NDRG2: variants seen among roughly 807,000 people sequenced by gnomAD.
NDRG2 encodes NDRG family member 2, also known as protein NDRG2.
NDRG2 carries 34 observed loss-of-function variants against 58.2 expected under a neutral mutation model. That is an observed-to-expected ratio of 0.58 (90% CI 0.44 to 0.78). The LOEUF (loss-of-function observed/expected upper bound fraction) is 0.78. NDRG2 is among the 30% of genes least tolerant of loss of function. The pLI is 0.00. For missense variants in NDRG2, 434 were observed against 471.2 expected (o/e 0.92, Z 0.73); for synonymous variants, 187 against 175.9 (o/e 1.06, Z -0.50).
chr14:21,035,525 T>C (rs1214593300), intron 1 of NDRG2, among the ~76,000 whole-genome samples: 1 of 152,232 alleles, frequency 6.6e-6, no homozygotes, highest in East Asian at 1.9e-4. Flanking sequence ...CTTGTTAGTC[T>C]GCAAGGTGTC....
chr14:21,031,035 C>A, intron 1 of NDRG2: 8 of 1,613,228 alleles, frequency 5.0e-6, no homozygotes, highest in South Asian at 1.1e-5. Flanking sequence ...CGAACCATCA[C>A]GTTTCAACAG....
At chr14:21,058,041 G>A (rs767408500) in intron 1 of NDRG2, 14 of 1,614,016 alleles carry the variant, frequency 8.7e-6, no homozygotes, top group African/African-American at 2.7e-5. Context: ...CCTCAAGCAT[G>A]CAACTCAGCC....
chr14:21,058,553 A>G lies in NDRG2; in HGVS notation c.24+12275T>C, dbSNP rs1241808199. The G allele has an allele frequency of 5.2e-6, 3 of 578,988 alleles. No homozygotes were observed. In the East Asian group the frequency reaches 8.5e-5, roughly 16 times the overall value. The allele number at this position is 578,988 out of a possible 1,614,324, so 35.9% of individuals were successfully genotyped here. ...TGAAAGAAGAGGGCAGATTCTCTTC[A>G]GCCTTTCATTGTAGCTTACTTTGCA... On this transcript the variant is annotated intron_variant, in intron 1 of 14. Transcript: ENST00000403829.
chr14:21,067,564 A>G (rs1886335793), intron 1 of NDRG2, among the ~76,000 whole-genome samples: 1 of 152,162 alleles, frequency 6.6e-6, no homozygotes, highest in South Asian at 2.1e-4. Flanking sequence ...ATAAGCTGCA[A>G]TTTCTTCTGT....
Position 21,017,632 on chromosome 14 carries a change from C to A in NDRG2, c.1080G>T (p.Ser360=), listed in dbSNP as rs535431489. ...SQSSESGTLS[S]GPPGHTMEVS... ...CCTCCATGGTGTGCCCCGGGGGCCC[C>A]GAAGAAAGAGTTCCAGACTCGCTGC... The change falls in exon 16 of 16, where the codon TCG becomes TCT. Residue 360 remains serine, a synonymous_variant. Transcript: ENST00000556147. 6.2e-7 allele frequency: 1 copy of A among 1,613,646 alleles called. No individual in the cohort carries two copies. Among genetic ancestry groups the A allele is most frequent in the Non-Finnish European group, 8.5e-7 (1 of 1,179,862 alleles).
intron 1 of NDRG2, among the ~76,000 whole-genome samples, chr14:21,055,994 C>T (rs1885659713): frequency 6.6e-6 from 1 of 152,006 alleles, no homozygotes; most frequent in African/African-American, 2.4e-5. Flanking sequence ...CGAAGGGATC[C>T]CTGCTGTGGA....
intron 1 of NDRG2, among the ~76,000 whole-genome samples, chr14:21,041,979 G>A (rs958776205): frequency 6.6e-6 from 1 of 152,208 alleles, no homozygotes; most frequent in Non-Finnish European, 1.5e-5. Context: ...TCAGGTCAGA[G>A]AAGAAGCAAC....
At chr14:21,035,454 C>G (rs1884558756) in intron 1 of NDRG2, among the ~76,000 whole-genome samples, 1 of 152,240 alleles carries the variant, frequency 6.6e-6, no homozygotes, top group South Asian at 2.1e-4. Context: ...TCATCAGAAT[C>G]AAAGAGCCAG....
intron 1 of NDRG2, chr14:21,031,788 C>A: frequency 7.5e-7 from 1 of 1,325,938 alleles, no homozygotes; most frequent in Non-Finnish European, 1.0e-6. Context: ...AGTGGCAGAG[C>A]AAGAGCTCCA....
At chr14:21,040,563 A>G (rs1181777168) in intron 1 of NDRG2, among the ~76,000 whole-genome samples, 2 of 152,112 alleles carry the variant, frequency 1.3e-5, no homozygotes, top group Non-Finnish European at 2.9e-5. Context: ...AGGGTTCCCT[A>G]CTGTGCTTGG....
At chr14:21,018,269 T>C (rs1477677475) in intron 13 of NDRG2, 30 bp from the exon 14 acceptor site, 7 of 1,613,132 alleles carry the variant, frequency 4.3e-6, no homozygotes, top group Non-Finnish European at 5.1e-6. Flanking sequence ...CCAGAAAAAG[T>C]GAAACACACA....
chr14:21,062,577 G>T (rs1249464741), intron 1 of NDRG2, among the ~76,000 whole-genome samples: 2 of 152,180 alleles, frequency 1.3e-5, no homozygotes, highest in African/African-American at 4.8e-5. Context: ...CCCAGAAAAA[G>T]TAAAACTCAA....
chr14:21,017,394 T>G lies in NDRG2; in HGVS notation c.*202A>C, dbSNP rs1177005182. On this transcript the variant is annotated 3_prime_UTR_variant, in exon 16 of 16. Coordinates refer to ENST00000556147, the MANE Select transcript of NDRG2 (RefSeq NM_001320329.2). Reference sequence around the variant, plus strand: ...TTTAGGGGTCTGGGTCCCTAAGAGATATTAGGACATCTCTTCCAGGAGCTG... The same window carrying G: ...TTTAGGGGTCTGGGTCCCTAAGAGAGATTAGGACATCTCTTCCAGGAGCTG... 2.2e-5 allele frequency: 14 copies of G among 636,724 alleles called. No individual in the cohort carries two copies. Among genetic ancestry groups the G allele is most frequent in the Non-Finnish European group, 3.5e-5 (13 of 371,256 alleles). The allele number at this position is 636,724 out of a possible 1,614,324, so 39.4% of individuals were successfully genotyped here.
chr14:21,041,110 C>A (rs574200591), intron 1 of NDRG2, among the ~76,000 whole-genome samples: 2 of 152,264 alleles, frequency 1.3e-5, no homozygotes, highest in East Asian at 3.9e-4. Context: ...CCTCCCTCCT[C>A]AGCCTCTGGA....
chr14:21,057,083 C>T (rs1201721541), intron 1 of NDRG2, among the ~76,000 whole-genome samples: 1 of 152,174 alleles, frequency 6.6e-6, no homozygotes, highest in Non-Finnish European at 1.5e-5. Context: ...CTTTCAGGGA[C>T]ACCTAAGCTA....
rs183161486 is a variant in NDRG2 at position 21,023,235 on chromosome 14, A to G, written c.75+6T>C. 2.4e-5 allele frequency: 39 copies of G among 1,613,512 alleles called. No individual in the cohort carries two copies. The East Asian group carries it at 5.1e-4, about 21-fold the overall frequency. On this transcript the variant is annotated splice_donor_region_variant and intron_variant, in intron 2 of 15. Transcript: ENST00000556147. ...TGGGCATGGGAGTCAAACGGTCTCTAATAACCTTGGCCGCCTCAGGCGTCT... is the reference window on the plus strand; with the variant it reads ...TGGGCATGGGAGTCAAACGGTCTCTGATAACCTTGGCCGCCTCAGGCGTCT...
At chr14:21,025,430 C>T (rs369383611), upstream of NDRG2, 10 of 985,586 alleles carry the variant, frequency 1.0e-5, no homozygotes, top group East Asian at 5.7e-4. This position sits in a 1 kb window ranked among gnomAD's most constrained non-coding sequence, Gnocchi z 5.1. Context: ...CTTCCTTCGC[C>T]CCCAGACTCA....
At position 21,023,254 on chromosome 14, in the gene NDRG2, G is replaced by A; in HGVS notation, c.62C>T (p.Pro21Leu). The A allele has an allele frequency of 1.2e-6, 2 of 1,613,980 alleles. No individual in the cohort carries two copies. The highest frequency in any genetic ancestry group is 2.7e-5 in the African/African-American group (2 of 75,048). ...GTCTCTAATAACCTTGGCCGCCTCA[G>A]GCGTCTGTCCTGGCAACAGTGGCTT... ...EEKPLLPGQT[P>L]EAAKEAELAA... is the part of the protein sequence containing the mutation. The change falls in exon 2 of 16, where the codon CCT (proline) becomes CTT (leucine). Residue 21 changes from proline (P) to leucine (L), a missense_variant. Pro to Leu is a moderately conservative substitution (Grantham distance 98). Transcript: ENST00000556147.
chr14:21,069,067 T>C (rs1249879762), intron 1 of NDRG2, among the ~76,000 whole-genome samples: 1 of 152,170 alleles, frequency 6.6e-6, no homozygotes, highest in African/African-American at 2.4e-5. Flanking sequence ...CGGGGACTAT[T>C]CGGCTTTCCG....
Sources: gnomAD v4.1 joint callset for allele counts (sites outside exome capture counted in the v4.1 genomes callset) on GRCh38, gnomAD v4.1.1 for gene constraint, Gnocchi (gnomAD v3.1) non-coding constraint, MANE v1.5 for transcripts, NCBI Gene and HGNC (gene_info 2026-07-23, HGNC 2026-07-21) for gene names.